Variants in THUMPD3 observed in about 807,000 individuals in gnomAD.
THUMPD3 encodes THUMP domain 3 tRNA guanosine methyltransferase, also known as tRNA (guanine(6)-N(2))-methyltransferase THUMP3.
A neutral mutation model predicts 54.5 loss-of-function variants in THUMPD3; 44 were observed. The observed-to-expected ratio is 0.81, with a 90% CI of 0.63 to 1.04. THUMPD3 has a LOEUF of 1.04. THUMPD3 is among the 50% of genes least tolerant of loss of function. The probability of loss-of-function intolerance (pLI) is 0.00; values close to 1 mark genes in which losing one functional copy is unlikely to be tolerated. For missense variants in THUMPD3, 604 were observed against 601.3 expected (o/e 1.00, Z -0.05); for synonymous variants, 196 against 201.4 (o/e 0.97, Z 0.23).
At chr3:9,381,307 T>G (rs2032872425) in intron 7 of THUMPD3, among the ~76,000 whole-genome samples, 1 of 152,238 alleles carries the variant, frequency 6.6e-6, no homozygotes, top group African/African-American at 2.4e-5. Flanking sequence ...CTCTATTTTA[T>G]TACTAAGTCA....
At chr3:9,382,986 C>T (rs1194868777) in intron 7 of THUMPD3, 2 of 422,318 alleles carry the variant, frequency 4.7e-6, no homozygotes, top group Non-Finnish European at 8.8e-6. Context: ...ACCTCAGCCC[C>T]TGAAAGTGCT....
intron 5 of THUMPD3, 47 bp downstream of exon 5, chr3:9,374,693 G>C: frequency 6.2e-7 from 1 of 1,605,014 alleles, no homozygotes; most frequent in East Asian, 2.2e-5. Context: ...ACCTTGGTTT[G>C]AATGTTCCCT....
Position 9,385,063 on chromosome 3 carries a change from C to G in THUMPD3, c.*375C>G, listed in dbSNP as rs2033240740. The stretch of plus-strand genomic sequence containing the variant: ...GCTGAGGCTAGAGAATCACTTGAAC[C>G]CAGCAGGCGGAGGTTGCGGTGAGTC... On this transcript the variant is annotated 3_prime_UTR_variant, in exon 10 of 10. Coordinates refer to ENST00000452837, the MANE Select transcript of THUMPD3 (RefSeq NM_001114092.2). 6 of 186,682 alleles carry G rather than the reference C, an allele frequency of 3.2e-5. No individual in the cohort carries two copies. The South Asian group carries it at 5.9e-4, about 18-fold the overall frequency. The allele number at this position is 186,682 out of a possible 1,614,324, so 11.6% of individuals were successfully genotyped here.
intron 4 of THUMPD3, among the ~76,000 whole-genome samples, chr3:9,371,851 T>C (rs1485007018): frequency 6.6e-6 from 1 of 152,238 alleles, no homozygotes; most frequent in Non-Finnish European, 1.5e-5. Flanking sequence ...GCTCCATAGA[T>C]GGAAGCCATC....
chr3:9,365,183 A>G lies in THUMPD3; in HGVS notation c.115A>G (p.Thr39Ala), dbSNP rs780176062. 6.8e-6 allele frequency: 11 copies of G among 1,614,164 alleles called. No individual in the cohort carries two copies. The African/African-American group carries it at 1.3e-4, about 20-fold the overall frequency. ...DLGSESELLVTIGATVPTGFE... is the reference protein window; with the variant it reads ...DLGSESELLVAIGATVPTGFE... ...CGGAAGTGAATCTGAGCTTCTAGTCACTATTGGAGCCACTGTACCTACTGG... is the reference window on the plus strand; with the variant it reads ...CGGAAGTGAATCTGAGCTTCTAGTCGCTATTGGAGCCACTGTACCTACTGG... Residue 39 changes from threonine to alanine, a missense_variant, in exon 2 of 10, where the codon ACT becomes GCT. Transcript: ENST00000452837.
chr3:9,373,758 G>C (rs990266622), intron 4 of THUMPD3, among the ~76,000 whole-genome samples: 1 of 152,152 alleles, frequency 6.6e-6, no homozygotes, highest in African/African-American at 2.4e-5. Context: ...GTATCACCCA[G>C]ACTGGAGTGC....
At position 9,383,199 on chromosome 3, in the gene THUMPD3, C is replaced by T; in HGVS notation, c.1125C>T (p.Gly375=). Residue 375 remains glycine (G), a splice_region_variant and synonymous_variant, in exon 8 of 10, where the codon GGC becomes GGT. Coordinates refer to ENST00000452837, the MANE Select transcript of THUMPD3 (RefSeq NM_001114092.2). ...SLLTKSQIKE[G]KPSWGLPIDA... is the part of the protein sequence containing the mutation. The stretch of plus-strand genomic sequence containing the variant: ...AAGCACCTTTCCTTTGTCCCCACAG[C>T]AAACCCTCCTGGGGCTTGCCCATAG... 5 of 1,612,332 alleles carry T rather than the reference C, an allele frequency of 3.1e-6. No homozygotes were observed. Among genetic ancestry groups the T allele is most frequent in the Non-Finnish European group, 4.2e-6 (5 of 1,178,474 alleles).
At chr3:9,363,693 T>G (rs896610405) in intron 1 of THUMPD3, 1 of 152,078 alleles carries the variant, frequency 6.6e-6, no homozygotes. Flanking sequence ...TTCCAAGATC[T>G]CTCTCCTGAT....
intron 4 of THUMPD3, among the ~76,000 whole-genome samples, chr3:9,372,496 C>T (rs1225755578): frequency 1.3e-5 from 2 of 151,990 alleles, no homozygotes; most frequent in South Asian, 2.1e-4. Context: ...AGGAGAATCA[C>T]TTGAACCAGG....
In THUMPD3 at chr3:9,384,308, T is replaced by A. The variant is rs1405171790; in HGVS notation, c.1332T>A (p.Leu444=). ...CTPTTGRAVL[L]TQDTKCFTKA... Reference sequence around the variant, plus strand: ...CTACCACAGGCCGAGCTGTACTACTTACTCAAGACACAAAATGCTTTACCA... The same window carrying A: ...CTACCACAGGCCGAGCTGTACTACTAACTCAAGACACAAAATGCTTTACCA... The change falls in exon 9 of 10, where the codon CTT becomes CTA. Residue 444 remains leucine (L), a synonymous_variant. Transcript: ENST00000452837. 22 of 1,613,950 alleles carry A rather than the reference T, an allele frequency of 1.4e-5. No homozygotes were observed. The highest frequency in any genetic ancestry group is 1.8e-5 in the Non-Finnish European group (21 of 1,180,024).
At chr3:9,380,475 T>G (rs755272011) in intron 6 of THUMPD3, 28 bp from the exon 7 acceptor site, 1 of 1,460,498 alleles carries the variant, frequency 6.8e-7, no homozygotes, top group South Asian at 1.2e-5. Flanking sequence ...TTGCTACTTT[T>G]GTTTTAACAT....
intron 2 of THUMPD3, among the ~76,000 whole-genome samples, chr3:9,366,640 A>G (rs1160033299): frequency 6.6e-6 from 1 of 152,182 alleles, no homozygotes; most frequent in Non-Finnish European, 1.5e-5. Context: ...GAGTGGCTTC[A>G]CCTTTCTCTT....
chr3:9,380,505 G>T lies in THUMPD3; in HGVS notation c.1011G>T (p.Gly337=). 2 of 1,597,992 alleles carry T rather than the reference G, an allele frequency of 1.3e-6. No homozygotes were observed. The highest frequency in any genetic ancestry group is 2.2e-5 in the East Asian group (1 of 44,650). Residue 337 remains glycine (G), a splice_region_variant and synonymous_variant, in exon 7 of 10, where the codon GGG becomes GGT. Transcript: ENST00000452837. The part of the protein sequence containing the change: ...MCGTGAIPIE[G]ATEWSDCFHI... ...TAACATACACTCTTATCTTTTAGGGGGCCACTGAATGGTCTGACTGTTTCC... is the reference window on the plus strand; with the variant it reads ...TAACATACACTCTTATCTTTTAGGGTGCCACTGAATGGTCTGACTGTTTCC...
rs1280558639 is a variant in THUMPD3 at position 9,385,543 on chromosome 3, C to T, written c.*855C>T. ...CTGCCTTAAATATTAAAATATCCAT[C>T]TGTTATTCACATTAATACACAGAAT... On this transcript the variant is annotated 3_prime_UTR_variant, in exon 10 of 10. Transcript: ENST00000452837. The T allele has an allele frequency of 2.0e-5, 3 of 152,200 alleles. No individual in the cohort carries two copies. The highest frequency in any genetic ancestry group is 2.0e-4 in the Admixed American group (3 of 15,264). The allele number at this position is 152,200 out of a possible 1,614,324, so 9.4% of individuals were successfully genotyped here. A position where few individuals can be genotyped will look rare whatever the true frequency, so the allele number is the denominator to read the frequency against.
intron 5 of THUMPD3, 144 bp downstream of exon 5, chr3:9,374,790 A>C: frequency 4.2e-6 from 4 of 959,576 alleles, no homozygotes; most frequent in Non-Finnish European, 4.6e-6. Flanking sequence ...CTAATGATCT[A>C]TTTCTTTCCC....
intron 1 of THUMPD3, chr3:9,363,751 T>G (rs2031148972): frequency 6.6e-6 from 1 of 152,090 alleles, no homozygotes; most frequent in African/African-American, 2.4e-5. Flanking sequence ...CGTTTGAACA[T>G]TTGTAATCAT....
At chr3:9,370,526 C>G (rs1048982659) in intron 3 of THUMPD3, among the ~76,000 whole-genome samples, 3 of 152,162 alleles carry the variant, frequency 2.0e-5, no homozygotes, top group Non-Finnish European at 4.4e-5. Flanking sequence ...CTCATTGGAG[C>G]CTTGACCTCC....
Position 9,365,357 on chromosome 3 carries a change from T to C in THUMPD3, c.252+37T>C, listed in dbSNP as rs760126160. Reference sequence around the variant, plus strand: ...GCAATATTTAAAATAGTTTTCTAAGTTGATCATTTTATGGTTACTTTTCAT... The same window carrying C: ...GCAATATTTAAAATAGTTTTCTAAGCTGATCATTTTATGGTTACTTTTCAT... On this transcript the variant is annotated intron_variant, in intron 2 of 9. Transcript: ENST00000452837. 5.6e-6 allele frequency: 9 copies of C among 1,604,824 alleles called. No homozygotes were observed. The South Asian group carries it at 1.0e-4, about 18-fold the overall frequency.
At chr3:9,381,992 C>G (rs956282292) in intron 7 of THUMPD3, among the ~76,000 whole-genome samples, 3 of 151,502 alleles carry the variant, frequency 2.0e-5, no homozygotes, top group Non-Finnish European at 4.4e-5. Context: ...ACCATGTTAG[C>G]CAGGATGGTC....
Sources: gnomAD v4.1 joint callset for allele counts (sites outside exome capture counted in the v4.1 genomes callset) on GRCh38, gnomAD v4.1.1 for gene constraint, MANE v1.5 for transcripts, NCBI Gene and HGNC (gene_info 2026-07-23, HGNC 2026-07-21) for gene names.